Variants in CRTAC1 observed in about 807,000 individuals in gnomAD.
The protein encoded by CRTAC1 is cartilage acidic protein 1, also known as acidic secreted protein in cartilage.
A neutral mutation model predicts 67.8 loss-of-function variants in CRTAC1; 37 were observed. That is an observed-to-expected ratio of 0.55 (90% CI 0.42 to 0.72). The LOEUF is 0.72. Among genes scored for constraint, CRTAC1 ranks in the 30% least tolerant of loss-of-function variants. CRTAC1 has a pLI of 0.00. For missense variants in CRTAC1, 780 were observed against 931.6 expected, an observed-to-expected ratio of 0.84 and a Z score of 2.12; for synonymous variants, 348 against 371.0, an observed-to-expected ratio of 0.94 and a Z score of 0.71.
At chr10:97,991,117 AAAAAAAAAAAG>A (rs1394935234) in intron 2 of CRTAC1, among the ~76,000 whole-genome samples, 3 of 148,082 alleles carry the variant, frequency 2.0e-5, no homozygotes, top group African/African-American at 2.5e-5. Context: ...AAAAAAAAAA[AAAAAAAAAAAG>A]ATTATCTCAG....
intron 2 of CRTAC1, among the ~76,000 whole-genome samples, chr10:97,952,608 C>T (rs1369749164): frequency 2.7e-5 from 4 of 148,542 alleles, no homozygotes; most frequent in African/African-American, 5.0e-5. Context: ...ATTAGAATTG[C>T]TAGACCTGGA....
chr10:97,909,716 G>A (rs913086043), intron 5 of CRTAC1, among the ~76,000 whole-genome samples: 9 of 152,148 alleles, frequency 5.9e-5, no homozygotes, highest in Non-Finnish European at 1.2e-4. Context: ...TATATCCAAA[G>A]GAAATGAAAT....
chr10:97,987,902 C>A (rs1265486028), intron 2 of CRTAC1, among the ~76,000 whole-genome samples: 2 of 152,196 alleles, frequency 1.3e-5, no homozygotes, highest in African/African-American at 4.8e-5. Flanking sequence ...CCCAACCACA[C>A]AATGTCCCTG....
Position 97,895,763 on chromosome 10 carries a change from C to A in CRTAC1, c.1317+122G>T. The A allele has an allele frequency of 1.3e-6, 1 of 761,916 alleles. No individual in the cohort carries two copies. Among genetic ancestry groups the A allele is most frequent in the South Asian group, 1.8e-5 (1 of 54,432 alleles). 47.2% of individuals were successfully genotyped at this position (761,916 alleles called of 1,614,324 possible). A position where few individuals can be genotyped will look rare whatever the true frequency, so the allele number is the denominator to read the frequency against. On this transcript the variant is annotated intron_variant, in intron 10 of 14. Transcript: ENST00000370597. The surrounding 1 kb of genome is among the most constrained non-coding windows in gnomAD (Gnocchi z 4.2). Reference sequence around the variant, plus strand: ...TGGAATTTACTTCCCTCCTCCAGGGCCCGGGACTTCCATTACCCACCATGC... The same window carrying A: ...TGGAATTTACTTCCCTCCTCCAGGGACCGGGACTTCCATTACCCACCATGC...
At chr10:97,905,390 C>G (rs1441921427) in intron 6 of CRTAC1, among the ~76,000 whole-genome samples, 1 of 152,138 alleles carries the variant, frequency 6.6e-6, no homozygotes, top group East Asian at 1.9e-4. Flanking sequence ...TCTAGGTTAC[C>G]CAGCTCCTGG....
At chr10:97,937,054 A>G (rs1354594567) in intron 2 of CRTAC1, among the ~76,000 whole-genome samples, 1 of 152,226 alleles carries the variant, frequency 6.6e-6, no homozygotes, top group Admixed American at 6.5e-5. Context: ...CTCAGATGGG[A>G]GAACATGAAC....
At chr10:98,001,605 A>G (rs1001591783) in intron 2 of CRTAC1, among the ~76,000 whole-genome samples, 4 of 152,180 alleles carry the variant, frequency 2.6e-5, no homozygotes, top group African/African-American at 9.7e-5. Context: ...TATGAACTGC[A>G]TGATGGTTAA....
At chr10:97,893,790 T>C (rs959500569) in intron 11 of CRTAC1, among the ~76,000 whole-genome samples, 1 of 152,096 alleles carries the variant, frequency 6.6e-6, no homozygotes, top group African/African-American at 2.4e-5. Context: ...CACCAATCTG[T>C]TTTCCGTCTT....
intron 2 of CRTAC1, among the ~76,000 whole-genome samples, chr10:97,953,592 G>C (rs532981371): frequency 6.6e-6 from 1 of 152,182 alleles, no homozygotes; most frequent in Admixed American, 6.5e-5. Flanking sequence ...TCATGGCCTC[G>C]TCATCTGCGT....
At chr10:97,928,605 C>A (rs1194478193) in intron 3 of CRTAC1, among the ~76,000 whole-genome samples, 1 of 152,128 alleles carries the variant, frequency 6.6e-6, no homozygotes, top group Non-Finnish European at 1.5e-5. Context: ...CTGGCAGAGC[C>A]CAGCAGGGCA....
intron 13 of CRTAC1, among the ~76,000 whole-genome samples, chr10:97,880,686 TC>T (rs2050201085): frequency 6.6e-6 from 1 of 152,044 alleles, no homozygotes; most frequent in South Asian, 2.1e-4. Flanking sequence ...TCACAACCTC[TC>T]CCCGTGGCTC....
At chr10:97,887,623 C>A (rs1033524225) in intron 11 of CRTAC1, among the ~76,000 whole-genome samples, 3 of 152,196 alleles carry the variant, frequency 2.0e-5, no homozygotes, top group African/African-American at 7.2e-5. Context: ...ATGAGATAAG[C>A]AGGCCTCAGA....
At chr10:97,976,202 C>T (rs1394759860) in intron 2 of CRTAC1, among the ~76,000 whole-genome samples, 17 of 152,222 alleles carry the variant, frequency 1.1e-4, no homozygotes, top group Admixed American at 2.6e-4. Flanking sequence ...AGGTCCTCTG[C>T]GCTCATTCCA....
chr10:97,865,616 G>C lies in CRTAC1; in HGVS notation c.1918C>G (p.Pro640Ala), dbSNP rs769079985. 3.1e-6 allele frequency: 5 copies of C among 1,613,638 alleles called. No individual in the cohort carries two copies. The highest frequency in any genetic ancestry group is 4.2e-6 in the Non-Finnish European group (5 of 1,179,716). Reference protein sequence around the residue: ...AAAAGAATAAPVLVDGDLNLG... With the variant: ...AAAAGAATAAAVLVDGDLNLG... ...TTGAGATCTCCATCTACGAGGACCG[G>C]TGCAGCAGTGGCAGCTCCAGCAGCG... Residue 640 changes from proline (P) to alanine (A), a missense_variant, in exon 15 of 15, where the codon CCG (proline) becomes GCG (alanine). Coordinates refer to ENST00000370597, the MANE Select transcript of CRTAC1 (RefSeq NM_018058.7).
At chr10:98,025,866 T>C (rs2136710333) in intron 1 of CRTAC1, among the ~76,000 whole-genome samples, 1 of 152,272 alleles carries the variant, frequency 6.6e-6, no homozygotes, top group Non-Finnish European at 1.5e-5. Flanking sequence ...CATTCAGAAT[T>C]ATCCTGGGAC....
intron 2 of CRTAC1, among the ~76,000 whole-genome samples, chr10:97,939,807 C>T (rs1313337912): frequency 1.3e-5 from 2 of 152,158 alleles, no homozygotes; most frequent in Admixed American, 1.3e-4. Context: ...TCCCAGCCTC[C>T]CACAATGCCT....
chr10:98,022,346 A>T (rs1056324706), intron 1 of CRTAC1, among the ~76,000 whole-genome samples: 23 of 151,884 alleles, frequency 1.5e-4, no homozygotes, highest in South Asian at 8.4e-4. Flanking sequence ...CAAGAGCAAA[A>T]CTCCTTCTCA....
intron 5 of CRTAC1, among the ~76,000 whole-genome samples, chr10:97,911,567 T>C (rs180933463): frequency 1.0e-3 from 155 of 152,252 alleles, no homozygotes; most frequent in African/African-American, 3.4e-3. Context: ...CCCCAGCAGC[T>C]TTACAATGGG....
chr10:97,981,684 G>A (rs1023757010), intron 2 of CRTAC1, among the ~76,000 whole-genome samples: 1 of 152,138 alleles, frequency 6.6e-6, no homozygotes, highest in African/African-American at 2.4e-5. Flanking sequence ...AAAGGGCTGT[G>A]CATTTTTTAG....
Sources: allele counts gnomAD v4.1 joint callset (sites outside exome capture counted in the v4.1 genomes callset), GRCh38; gene constraint gnomAD v4.1.1; non-coding constraint Gnocchi (gnomAD v3.1); transcripts MANE v1.5; gene names NCBI Gene and HGNC (gene_info 2026-07-23, HGNC 2026-07-21).